CCM2: variants seen among roughly 807,000 people sequenced by gnomAD.
CCM2 encodes CCM2 scaffold protein, also known as cerebral cavernous malformations 2 protein.
Under a neutral mutation model 44.9 loss-of-function variants are expected in CCM2, and 25 were observed. The observed-to-expected ratio is 0.56, with a 90% CI of 0.41 to 0.78. The LOEUF (loss-of-function observed/expected upper bound fraction) is 0.78, where lower values mean the gene tolerates loss of function less well. Ranked by LOEUF, CCM2 falls within the 30% of genes least tolerant of loss-of-function variation. The pLI is 0.00. For synonymous variants in CCM2, 219 were observed against 241.1 expected, an observed-to-expected ratio of 0.91 and a Z score of 0.85; for missense variants, 481 against 580.6, an observed-to-expected ratio of 0.83 and a Z score of 1.76.
intron 2 of CCM2, among the ~76,000 whole-genome samples, chr7:45,059,360 A>T (rs1212072470): frequency 6.6e-6 from 1 of 151,406 alleles, no homozygotes; most frequent in African/African-American, 2.4e-5. Flanking sequence ...AGGCAGGAGG[A>T]TCACTTGAGC....
chr7:45,005,348 AG>A (rs1795802924), intron 1 of CCM2, among the ~76,000 whole-genome samples: 1 of 152,236 alleles, frequency 6.6e-6, no homozygotes, highest in African/African-American at 2.4e-5. Flanking sequence ...AGATTCAGAA[AG>A]CACATCAGAA....
intron 2 of CCM2, among the ~76,000 whole-genome samples, chr7:45,058,900 A>ATT (rs71565945): frequency 0.016 from 2,311 of 142,546 alleles, 53 homozygotes; most frequent in African/African-American, 0.048. Flanking sequence ...CGCCCAGCTA[A>ATT]TTTTTTTTTT....
intron 2 of CCM2, among the ~76,000 whole-genome samples, chr7:45,049,962 C>T (rs1408994392): frequency 1.3e-5 from 2 of 152,280 alleles, no homozygotes; most frequent in East Asian, 1.9e-4. Context: ...TATAAGTAAT[C>T]TAGAGATAAT....
At chr7:45,066,901 A>T (rs1798804178) in intron 4 of CCM2, among the ~76,000 whole-genome samples, 1 of 143,716 alleles carries the variant, frequency 7.0e-6, no homozygotes, top group Admixed American at 6.9e-5. Flanking sequence ...AAACCAGTAA[A>T]TTTTTTTTTT....
At chr7:45,015,340 A>G (rs1796222910) in intron 1 of CCM2, among the ~76,000 whole-genome samples, 1 of 152,130 alleles carries the variant, frequency 6.6e-6, no homozygotes. Flanking sequence ...CCATAGGTTA[A>G]CACTCCTAGC....
At chr7:45,023,288 A>C (rs975812546) in intron 1 of CCM2, among the ~76,000 whole-genome samples, 1 of 151,842 alleles carries the variant, frequency 6.6e-6, no homozygotes, top group East Asian at 1.9e-4. Flanking sequence ...AGTGGCTCAC[A>C]CCTGTAATCC....
chr7:45,002,048 C>T (rs749004530), intron 1 of CCM2, among the ~76,000 whole-genome samples: 2 of 152,154 alleles, frequency 1.3e-5, no homozygotes, highest in African/African-American at 2.4e-5. Context: ...TTAACACTAC[C>T]TCGTGTACTC....
rs2289371 is a variant in CCM2 at position 45,074,625 on chromosome 7, A to G, written c.1054+217A>G. Among the ~76,000 whole-genome samples, 34,220 of 152,032 alleles carry G rather than the reference A, an allele frequency of 0.23. 3,863 individuals carry two copies. Among genetic ancestry groups the G allele is most frequent in the Admixed American group, 0.26 (3,921 of 15,282 alleles). On this transcript the variant is annotated intron_variant, in intron 9 of 9. Transcript: ENST00000258781. ...TTTTCCCAGGTACTGTTGGGGGCCC[A>G]CCGACAGGCCTTCATTCTCCTGGGA...
chr7:45,004,262 T>C (rs1163390329), intron 1 of CCM2, among the ~76,000 whole-genome samples: 1 of 152,174 alleles, frequency 6.6e-6, no homozygotes, highest in Non-Finnish European at 1.5e-5. Flanking sequence ...TTTTGTTGGG[T>C]ATGATAATTA....
At chr7:45,023,383 C>T (rs769205949) in intron 1 of CCM2, among the ~76,000 whole-genome samples, 1 of 152,174 alleles carries the variant, frequency 6.6e-6, no homozygotes, top group Non-Finnish European at 1.5e-5. Context: ...AGCCCCATCT[C>T]TACTAAAAAT....
At chr7:45,040,173 A>G (rs13228481) in intron 2 of CCM2, among the ~76,000 whole-genome samples, 4,842 of 151,728 alleles carry the variant, frequency 0.032, 115 homozygotes, top group South Asian at 0.14. Flanking sequence ...TCACGAGGTC[A>G]GGAGATTGAG....
chr7:45,064,385 C>T (rs1798665369), intron 3 of CCM2, 78 bp from the exon 4 acceptor site: 2 of 1,416,222 alleles, frequency 1.4e-6, no homozygotes, highest in Non-Finnish European at 2.0e-6. Context: ...CATCGGCCAG[C>T]ACAATATTCT....
At chr7:45,011,028 C>T (rs1796044769) in intron 1 of CCM2, among the ~76,000 whole-genome samples, 1 of 152,052 alleles carries the variant, frequency 6.6e-6, no homozygotes, top group Admixed American at 6.6e-5. Flanking sequence ...AAATTTTTGT[C>T]TCCTAATTCT....
At chr7:45,069,070 C>G (rs1222539480) in intron 5 of CCM2, among the ~76,000 whole-genome samples, 1 of 152,246 alleles carries the variant, frequency 6.6e-6, no homozygotes, top group African/African-American at 2.4e-5. Flanking sequence ...AGGGCTGGGC[C>G]CTTGTAGGCT....
At chr7:45,072,158 G>A (rs1026202158) in intron 6 of CCM2, 6 of 341,728 alleles carry the variant, frequency 1.8e-5, no homozygotes, top group African/African-American at 8.6e-5. Flanking sequence ...ATTACAGTCT[G>A]TGTCACACGG....
Position 45,073,562 on chromosome 7 carries a change from CA to C in CCM2, c.907del (p.Met303CysfsTer2). 1 of 1,609,678 alleles carries C rather than the reference CA, an allele frequency of 6.2e-7. No individual in the cohort carries two copies. Among genetic ancestry groups the C allele is most frequent in the Non-Finnish European group, 8.5e-7 (1 of 1,178,044 alleles). ...ASATELLQDY[M>X]LTLRTKLSSQ... ...GCGCCACTGAGCTGCTGCAGGACTA[CA>C]TGCTGACGGTAGGCCTCCGCTGCAG... is the stretch of plus-strand genomic sequence containing the variant. On this transcript the variant is annotated frameshift_variant, in exon 8 of 10. Coordinates refer to ENST00000258781, the MANE Select transcript of CCM2 (RefSeq NM_031443.4). LOFTEE classifies it high-confidence loss of function.
chr7:45,060,202 G>A (rs1025775110), intron 2 of CCM2, among the ~76,000 whole-genome samples: 2 of 152,060 alleles, frequency 1.3e-5, no homozygotes, highest in African/African-American at 4.8e-5. Context: ...CACTTTTGAA[G>A]GATAATTTCA....
chr7:45,070,159 G>A, intron 6 of CCM2, 198 bp downstream of exon 6: 1 of 652,412 alleles, frequency 1.5e-6, no homozygotes, highest in Non-Finnish European at 2.6e-6. Context: ...CCTTGAGAGA[G>A]TTGCACCAGG....
At chr7:45,034,281 A>G (rs1429275985) in intron 1 of CCM2, among the ~76,000 whole-genome samples, 1 of 151,050 alleles carries the variant, frequency 6.6e-6, no homozygotes, top group Non-Finnish European at 1.5e-5. Context: ...GTGTGATCTC[A>G]GCTCACTGCA....
Sources: gnomAD v4.1 joint callset for allele counts (sites outside exome capture counted in the v4.1 genomes callset) on GRCh38, gnomAD v4.1.1 for gene constraint, MANE v1.5 for transcripts, NCBI Gene and HGNC (gene_info 2026-07-23, HGNC 2026-07-21) for gene names.